WDR26: variants seen among roughly 807,000 people sequenced by gnomAD.
WDR26 encodes the protein WD repeat-containing protein 26.
Under a neutral mutation model 84.1 loss-of-function variants are expected in WDR26, and 5 were observed. The ratio of observed to expected loss-of-function variants is 0.06; its 90% CI spans 0.03 to 0.13. The LOEUF (loss-of-function observed/expected upper bound fraction) is 0.13, where lower values mean the gene tolerates loss of function less well. WDR26 is among the 10% of genes least tolerant of loss of function. The pLI, the probability that WDR26 is intolerant of heterozygous loss-of-function variation, is 1.00. For missense variants in WDR26, 642 were observed against 974.9 expected (o/e 0.66, Z 4.55); for synonymous variants, 415 against 389.6 (o/e 1.07, Z -0.77).
At chr1:224,398,484 A>AT (rs772053466) in intron 11 of WDR26, 31 bp downstream of exon 11, 3 of 1,562,750 alleles carry the variant, frequency 1.9e-6, no homozygotes, top group Admixed American at 2.1e-5. Flanking sequence ...ACTAAGCCAA[A>AT]TTTTTCAGAA....
chr1:224,421,747 T>C (rs1378692344), intron 4 of WDR26, among the ~76,000 whole-genome samples: 4 of 152,172 alleles, frequency 2.6e-5, no homozygotes, highest in Admixed American at 6.5e-5. Context: ...CTAAGCAACA[T>C]AGCCAGACTC....
Position 224,434,015 on chromosome 1 carries a change from C to G in WDR26, c.391G>C (p.Glu131Gln). Reference sequence around the variant, plus strand: ...TTCTGGGCCGACAAGCAGGCGAGTTCCGGGGTCTGTCCCTGGCCCCCGCCG... The same window carrying G: ...TTCTGGGCCGACAAGCAGGCGAGTTGCGGGGTCTGTCCCTGGCCCCCGCCG... The change falls in exon 1 of 14, where the codon GAA becomes CAA. Residue 131 changes from glutamate to glutamine, a missense_variant. Coordinates refer to ENST00000414423, the MANE Select transcript of WDR26 (RefSeq NM_001379403.1). 1 of 1,504,516 alleles carries G rather than the reference C, an allele frequency of 6.6e-7. No individual in the cohort carries two copies. Among genetic ancestry groups the G allele is most frequent in the Middle Eastern group, 2.0e-4 (1 of 5,088 alleles). The allele number at this position is 1,504,516 out of a possible 1,614,324, so 93.2% of individuals were successfully genotyped here. A position where few individuals can be genotyped will look rare whatever the true frequency, so the allele number is the denominator to read the frequency against.
At chr1:224,418,913 T>C (rs1447930703) in intron 5 of WDR26, among the ~76,000 whole-genome samples, 1 of 152,188 alleles carries the variant, frequency 6.6e-6, no homozygotes, top group Non-Finnish European at 1.5e-5. Context: ...ACTGTGTGAA[T>C]TCAGGGAGTA....
chr1:224,409,083 T>C (rs1255896672), intron 7 of WDR26, among the ~76,000 whole-genome samples: 1 of 152,144 alleles, frequency 6.6e-6, no homozygotes, highest in African/African-American at 2.4e-5. Context: ...GTGGGTAGTA[T>C]ACTAGCTAGT....
rs367780963 is a variant in WDR26, at chr1:224,406,954, T to C, written c.1459-2384A>G. Among the ~76,000 whole-genome samples, 444 of 150,556 alleles carry C rather than the reference T, an allele frequency of 2.9e-3. 1 individual carries two copies. The highest frequency in any genetic ancestry group is 0.017 in the Middle Eastern group (5 of 294). ...CTGGCCAATGTGGTGAAACCCTGTCTCTACTAAAAATACAAAAATTAGCCG... is the reference window on the plus strand; with the variant it reads ...CTGGCCAATGTGGTGAAACCCTGTCCCTACTAAAAATACAAAAATTAGCCG... On this transcript the variant is annotated intron_variant, in intron 7 of 13. Transcript: ENST00000414423.
intron 6 of WDR26, among the ~76,000 whole-genome samples, chr1:224,412,550 T>A (rs1673768396): frequency 6.6e-6 from 1 of 152,188 alleles, no homozygotes; most frequent in Non-Finnish European, 1.5e-5. Context: ...TAATATTATA[T>A]ATCAAGGGCA....
chr1:224,388,387 T>G lies in WDR26; in HGVS notation c.*1448A>C. On this transcript the variant is annotated 3_prime_UTR_variant, in exon 14 of 14. Transcript: ENST00000414423. ...CCTCTACTGAAAAAGGGAGGGAATT[T>G]CAAGGGAGACTATGTTATGTTGTAT... The G allele has an allele frequency of 6.6e-6, 1 of 152,230 alleles. No individual in the cohort carries two copies. 9.4% of individuals were successfully genotyped at this position (152,230 alleles called of 1,614,324 possible).
intron 12 of WDR26, among the ~76,000 whole-genome samples, chr1:224,395,927 A>C (rs765497820): frequency 1.3e-5 from 2 of 152,204 alleles, no homozygotes; most frequent in Non-Finnish European, 2.9e-5. Flanking sequence ...AAAAGGCTTG[A>C]GTAGTGGTAT....
intron 6 of WDR26, among the ~76,000 whole-genome samples, chr1:224,416,654 T>C (rs533531888): frequency 2.5e-4 from 38 of 152,354 alleles, no homozygotes; most frequent in Non-Finnish European, 4.6e-4. Flanking sequence ...ACTTTGGTCA[T>C]GTTCCCATAG....
At position 224,418,285 on chromosome 1, in the gene WDR26, G is replaced by C; in HGVS notation, c.1294C>G (p.Leu432Val). Residue 432 changes from leucine (L) to valine (V), a missense_variant, in exon 6 of 14, where the codon CTG becomes GTG. By Grantham distance (32) the Leu-to-Val change is conservative. Around this residue, in one of 2 missense-constraint regions of WDR26, gnomAD observed 351 missense variants for 672.8 expected, o/e 0.52. Transcript: ENST00000414423. ...CTACTACAAACATGGTCTATAAGCA[G>C]AGACACAGAATCTAGATTATTATCA... 1 of 1,612,402 alleles carries C rather than the reference G, an allele frequency of 6.2e-7. No individual in the cohort carries two copies. The highest frequency in any genetic ancestry group is 8.5e-7 in the Non-Finnish European group (1 of 1,179,386).
At chr1:224,421,519 G>A (rs1404006047) in intron 4 of WDR26, among the ~76,000 whole-genome samples, 5 of 152,218 alleles carry the variant, frequency 3.3e-5, no homozygotes, top group African/African-American at 1.2e-4. Flanking sequence ...GAACCCAGGA[G>A]GTGGAGGTTG....
At chr1:224,392,592 T>A (rs1673158063) in intron 13 of WDR26, among the ~76,000 whole-genome samples, 1 of 152,142 alleles carries the variant, frequency 6.6e-6, no homozygotes, top group Non-Finnish European at 1.5e-5. Context: ...AGATTTCTGG[T>A]CTTAGTTGAT....
intron 7 of WDR26, among the ~76,000 whole-genome samples, chr1:224,408,890 A>G (rs1673656399): frequency 6.6e-6 from 1 of 152,158 alleles, no homozygotes; most frequent in African/African-American, 2.4e-5. Context: ...ATCTACAAGA[A>G]TGGGTCCAGG....
At chr1:224,404,402 A>G in intron 8 of WDR26, 28 bp downstream of exon 8, 1 of 1,610,206 alleles carries the variant, frequency 6.2e-7, no homozygotes, top group South Asian at 1.1e-5. Flanking sequence ...TGTACTTAAA[A>G]GCTCAACCAA....
intron 13 of WDR26, among the ~76,000 whole-genome samples, chr1:224,392,329 C>G (rs1437574725): frequency 6.6e-6 from 1 of 151,276 alleles, no homozygotes; most frequent in Non-Finnish European, 1.5e-5. Context: ...CCACTGTACA[C>G]TGGGAGAGAG....
At chr1:224,395,530 T>G (rs1673236065) in intron 12 of WDR26, among the ~76,000 whole-genome samples, 2 of 151,844 alleles carry the variant, frequency 1.3e-5, no homozygotes, top group Non-Finnish European at 2.9e-5. Flanking sequence ...ATTTAAAAAC[T>G]GAATTTATCT....
At chr1:224,390,273 C>T (rs558798442) in intron 13 of WDR26, among the ~76,000 whole-genome samples, 14 of 152,292 alleles carry the variant, frequency 9.2e-5, no homozygotes, top group South Asian at 2.1e-4. Context: ...GCACATGCCA[C>T]CATGCCTGGC....
intron 12 of WDR26, among the ~76,000 whole-genome samples, chr1:224,394,338 G>T (rs957697573): frequency 6.6e-6 from 1 of 152,184 alleles, no homozygotes; most frequent in Non-Finnish European, 1.5e-5. Context: ...AAATTCTATG[G>T]AAATGGGAAG....
intron 12 of WDR26, 138 bp from the exon 13 acceptor site, chr1:224,394,151 G>A (rs561083758): frequency 1.7e-6 from 1 of 599,218 alleles, no homozygotes; most frequent in East Asian, 3.3e-5. Context: ...AGTTTAACAT[G>A]TTACCTTATG....
Sources: allele counts gnomAD v4.1 joint callset (sites outside exome capture counted in the v4.1 genomes callset), GRCh38; gene constraint gnomAD v4.1.1; regional missense constraint gnomAD v4.1.1; transcripts MANE v1.5; gene names NCBI Gene and HGNC (gene_info 2026-07-23, HGNC 2026-07-21).